DNAH8: variants seen among roughly 807,000 people sequenced by gnomAD.
DNAH8 encodes dynein axonemal heavy chain 8.
In DNAH8, 382 loss-of-function variants were observed where a neutral mutation model predicts 562.1. The ratio of observed to expected loss-of-function variants is 0.68; its 90% confidence interval spans 0.63 to 0.74. DNAH8 has a LOEUF of 0.74. Ranked by LOEUF, DNAH8 falls within the 30% of genes least tolerant of loss-of-function variation. The pLI is 0.00. For synonymous variants in DNAH8, 1,881 were observed against 1,919.4 expected, an observed-to-expected ratio of 0.98 and a Z score of 0.52; for missense variants, 5,203 against 5,620.4, an observed-to-expected ratio of 0.93 and a Z score of 2.37.
intron 88 of DNAH8, among the ~76,000 whole-genome samples, chr6:38,992,514 A>G (rs1412505834): frequency 6.6e-6 from 1 of 152,212 alleles, no homozygotes; most frequent in Non-Finnish European, 1.5e-5. Context: ...GTGGACAGAG[A>G]AAGAACTGAT....
At chr6:38,880,856 C>G (rs1027241812) in intron 53 of DNAH8, among the ~76,000 whole-genome samples, 2 of 152,044 alleles carry the variant, frequency 1.3e-5, no homozygotes, top group Non-Finnish European at 2.9e-5. Context: ...GGTGAAACCC[C>G]GTCTCTACTA....
chr6:38,929,491 A>G lies in DNAH8; in HGVS notation c.11119-20A>G, dbSNP rs569719017. Reference sequence around the variant, plus strand: ...ACATTCTTTGTAACACAGATAGACCAATGAGTTCTTTCTGTTTAGGTGACA... The same window carrying G: ...ACATTCTTTGTAACACAGATAGACCGATGAGTTCTTTCTGTTTAGGTGACA... On this transcript the variant is annotated intron_variant, in intron 74 of 92. Transcript: ENST00000327475. 6.2e-7 allele frequency: 1 copy of G among 1,601,110 alleles called. No individual in the cohort carries two copies. Among genetic ancestry groups the G allele is most frequent in the East Asian group, 2.2e-5 (1 of 44,530 alleles).
chr6:38,880,088 A>T (rs1182602234), intron 53 of DNAH8, among the ~76,000 whole-genome samples: 2 of 151,898 alleles, frequency 1.3e-5, no homozygotes, highest in South Asian at 2.1e-4. Context: ...ACTAAAAAAA[A>T]ACAAAAAAAT....
intron 67 of DNAH8, among the ~76,000 whole-genome samples, chr6:38,914,766 A>G (rs1040152079): frequency 6.6e-6 from 1 of 152,178 alleles, no homozygotes; most frequent in African/African-American, 2.4e-5. Flanking sequence ...AGTTGCTGAA[A>G]TGAGTGAACT....
At chr6:38,781,831 C>G (rs979103049) in intron 16 of DNAH8, among the ~76,000 whole-genome samples, 1 of 152,092 alleles carries the variant, frequency 6.6e-6, no homozygotes, top group Non-Finnish European at 1.5e-5. Flanking sequence ...GATTCATTCT[C>G]TATGTCCTTC....
In DNAH8 at chr6:38,790,106, T is replaced by A. The variant is rs182948591; in HGVS notation, c.2665-183T>A. Among the ~76,000 whole-genome samples the A allele has an allele frequency of 3.5e-3, 538 of 152,278 alleles. 3 individuals are homozygous for A. The highest frequency in any genetic ancestry group is 0.014 in the Middle Eastern group (4 of 294). On this transcript the variant is annotated intron_variant, in intron 19 of 92. Transcript: ENST00000327475. ...AATCATGAGCATTTTTTCTGAAAATTCATGATTGTTTCCTGGACAGCCAAA... is the reference window on the plus strand; with the variant it reads ...AATCATGAGCATTTTTTCTGAAAATACATGATTGTTTCCTGGACAGCCAAA...
intron 87 of DNAH8, among the ~76,000 whole-genome samples, chr6:38,987,662 C>CT (rs2150726170): frequency 6.6e-6 from 1 of 152,304 alleles, no homozygotes; most frequent in African/African-American, 2.4e-5. Context: ...CTCCCCCTCT[C>CT]TCAGGACTTC....
In DNAH8 at chr6:38,750,906, G is replaced by A. The variant is rs184457355; in HGVS notation, c.1407+317G>A. ...CATTTTCCTCTTATGTGTTTATGAA[G>A]AATGATAAACTATATTTAATATTTT... On this transcript the variant is annotated intron_variant, in intron 9 of 92. Coordinates refer to ENST00000327475, the MANE Select transcript of DNAH8 (RefSeq NM_001206927.2). Among the ~76,000 whole-genome samples, 23 of 152,216 alleles carry A rather than the reference G, an allele frequency of 1.5e-4. 1 individual carries two copies. In the East Asian group the frequency reaches 3.5e-3, roughly 23 times the overall value.
At position 38,819,594 on chromosome 6, in the gene DNAH8, A is replaced by T. The variant is rs567919064; in HGVS notation, c.3524-3244A>T. Among the ~76,000 whole-genome samples the T allele has an allele frequency of 9.1e-4, 139 of 152,306 alleles. 2 individuals are homozygous for T. The highest frequency in any genetic ancestry group is 9.6e-4 in the East Asian group (5 of 5,196). On this transcript the variant is annotated intron_variant, in intron 26 of 92. Coordinates refer to ENST00000327475, the MANE Select transcript of DNAH8 (RefSeq NM_001206927.2). Reference sequence around the variant, plus strand: ...TGCATTATCAATAAAATGAAGAATAAAGAAGGAAGCCCACTATTATCATTT... The same window carrying T: ...TGCATTATCAATAAAATGAAGAATATAGAAGGAAGCCCACTATTATCATTT...
At chr6:38,907,413 A>G (rs942961084) in intron 63 of DNAH8, among the ~76,000 whole-genome samples, 1 of 152,224 alleles carries the variant, frequency 6.6e-6, no homozygotes, top group Non-Finnish European at 1.5e-5. Flanking sequence ...GATGTTTGCC[A>G]TGTATCACAA....
chr6:38,820,911 C>G (rs1772771563), intron 26 of DNAH8, among the ~76,000 whole-genome samples: 2 of 152,100 alleles, frequency 1.3e-5, no homozygotes, highest in South Asian at 4.1e-4. Context: ...AATTTTTTCC[C>G]CCTAAGATTA....
intron 82 of DNAH8, among the ~76,000 whole-genome samples, chr6:38,965,204 T>C (rs1762893106): frequency 6.6e-6 from 1 of 151,882 alleles, no homozygotes. Flanking sequence ...AATCAGAATG[T>C]TCTGGTTTTT....
chr6:38,923,216 C>G (rs1442361924), intron 72 of DNAH8, 31 bp downstream of exon 72: 2 of 1,610,174 alleles, frequency 1.2e-6, no homozygotes, highest in South Asian at 2.2e-5. Flanking sequence ...CATAATCACT[C>G]TTTCTTTGTG....
At chr6:38,970,767 G>T (rs1364158698) in intron 82 of DNAH8, among the ~76,000 whole-genome samples, 9 of 152,258 alleles carry the variant, frequency 5.9e-5, no homozygotes, top group Middle Eastern at 3.4e-3. Flanking sequence ...TATGCCTCTA[G>T]AACTCAAGAA....
chr6:38,836,463 C>T (rs955139293), intron 32 of DNAH8, among the ~76,000 whole-genome samples: 1 of 136,360 alleles, frequency 7.3e-6, no homozygotes, highest in African/African-American at 2.7e-5. Context: ...AAAAACAAAA[C>T]AACAACAACA....
At position 38,909,643 on chromosome 6, in the gene DNAH8, C is replaced by A; in HGVS notation, c.9639C>A (p.Asp3213Glu). The A allele has an allele frequency of 3.1e-6, 5 of 1,614,086 alleles. No homozygotes were observed. The highest frequency in any genetic ancestry group is 1.7e-5 in the Admixed American group (1 of 60,014). ...LIAVASYFLS[D>E]YNIVCSSEIK... is the part of the protein sequence containing the mutation. ...CTGTGGCCTCCTACTTCCTTTCAGA[C>A]TATAATATTGTCTGCTCTAGTGAAA... is the stretch of plus-strand genomic sequence containing the variant. The change falls in exon 65 of 93, where the codon GAC becomes GAA. Residue 3213 changes from aspartate to glutamate, a missense_variant. Physicochemically the swap from Asp to Glu is conservative, Grantham distance 45 (BLOSUM62 2). This residue lies in a region of DNAH8 where 977 missense variants were observed against 1,061.8 expected (regional missense o/e 0.92). Coordinates refer to ENST00000327475, the MANE Select transcript of DNAH8 (RefSeq NM_001206927.2).
chr6:38,995,556 A>G (rs1765080545), intron 88 of DNAH8, among the ~76,000 whole-genome samples: 1 of 152,190 alleles, frequency 6.6e-6, no homozygotes, highest in African/African-American at 2.4e-5. Flanking sequence ...TTTCTCTGTC[A>G]CCACTGCAGT....
Position 38,845,587 on chromosome 6 carries a change from CT to C in DNAH8, c.4860del (p.Ala1621ProfsTer11), listed in dbSNP as rs780078915. The C allele has an allele frequency of 6.2e-7, 1 of 1,613,242 alleles. No homozygotes were observed. Among genetic ancestry groups the C allele is most frequent in the Non-Finnish European group, 8.5e-7 (1 of 1,179,338 alleles). ...TTTCCTTCAAAGGATATTTGCATATCTGCCATTAAGGAGAAGGATATCGAAG... is the reference window on the plus strand; with the variant it reads ...TTTCCTTCAAAGGATATTTGCATATCGCCATTAAGGAGAAGGATATCGAAG... ...HKDDIEDICI[S>X]AIKEKDIEAK... On this transcript the variant is annotated frameshift_variant, in exon 36 of 93. Coordinates refer to ENST00000327475, the MANE Select transcript of DNAH8 (RefSeq NM_001206927.2). LOFTEE classifies it high-confidence loss of function.
At chr6:39,006,957 T>C (rs1366323419) in intron 88 of DNAH8, among the ~76,000 whole-genome samples, 5 of 152,190 alleles carry the variant, frequency 3.3e-5, no homozygotes, top group African/African-American at 9.7e-5. Context: ...CCTGTCTCAT[T>C]GCACTATCCA....
Sources: allele counts gnomAD v4.1 joint callset (sites outside exome capture counted in the v4.1 genomes callset), GRCh38; gene constraint gnomAD v4.1.1; regional missense constraint gnomAD v4.1.1; transcripts MANE v1.5; gene names NCBI Gene and HGNC (gene_info 2026-07-23, HGNC 2026-07-21).